The following DHRSX variants were observed in gnomAD, a reference collection of about 807,000 sequenced individuals.
DHRSX encodes polyprenol dehydrogenase.
A neutral mutation model predicts 34.0 loss-of-function variants in DHRSX; 31 were observed. The ratio of observed to expected loss-of-function variants is 0.91; its 90% confidence interval spans 0.69 to 1.23. The LOEUF is 1.23. DHRSX is among the 50% of genes most tolerant of loss of function. The pLI, the probability that DHRSX is intolerant of heterozygous loss-of-function variation, is 0.00. For synonymous variants in DHRSX, 201 were observed against 183.8 expected (o/e 1.09, Z -0.76); for missense variants, 414 against 428.1 (o/e 0.97, Z 0.29).
intron 3 of DHRSX, among the ~76,000 whole-genome samples, chrX:2,371,643 G>A (rs945105662): frequency 6.8e-6 from 1 of 146,256 alleles, no homozygotes; most frequent in African/African-American, 2.6e-5. Context: ...CGTTACCATA[G>A]TCCACACTCC....
chrX:2,349,635 T>C (rs1332766751), intron 3 of DHRSX, among the ~76,000 whole-genome samples: 3 of 151,280 alleles, frequency 2.0e-5, no homozygotes, highest in Admixed American at 1.3e-4. Context: ...TGCAGTGAGC[T>C]GAGATCACGC....
intron 4 of DHRSX, among the ~76,000 whole-genome samples, chrX:2,276,741 G>C (rs745361149): frequency 6.7e-6 from 1 of 150,076 alleles, no homozygotes; most frequent in Non-Finnish European, 1.5e-5. Context: ...ATCAGAGAGA[G>C]AGAGAGGAGA....
intron 4 of DHRSX, among the ~76,000 whole-genome samples, chrX:2,276,784 G>GA (rs2041663085): frequency 6.6e-6 from 1 of 150,384 alleles, no homozygotes; most frequent in Non-Finnish European, 1.5e-5. Flanking sequence ...AAGAGAGAAG[G>GA]AGAGGGAGGA....
At chrX:2,484,836 C>A (rs1168773465) in intron 1 of DHRSX, among the ~76,000 whole-genome samples, 1 of 152,104 alleles carries the variant, frequency 6.6e-6, no homozygotes, top group Non-Finnish European at 1.5e-5. Context: ...GCTGGCTGCG[C>A]CAGGAACCCG....
At chrX:2,490,429 C>T in intron 1 of DHRSX, 1 of 1,613,968 alleles carries the variant, frequency 6.2e-7, no homozygotes. Context: ...ACTCGGGCTT[C>T]AGCTTGGAGA....
intron 5 of DHRSX, among the ~76,000 whole-genome samples, chrX:2,248,628 A>AAAG (rs1556433592): frequency 0.15 from 15,846 of 103,272 alleles, 1,980 homozygotes; most frequent in Admixed American, 0.2. Context: ...AAAAAAAAAG[A>AAAG]AAAAGAAAAG....
At chrX:2,273,115 C>T (rs2041579390) in intron 4 of DHRSX, among the ~76,000 whole-genome samples, 1 of 152,136 alleles carries the variant, frequency 6.6e-6, no homozygotes, top group African/African-American at 2.4e-5. Flanking sequence ...ATTGCTTGAA[C>T]CCAGGAGGTG....
At chrX:2,305,102 G>C (rs1444333691) in intron 3 of DHRSX, among the ~76,000 whole-genome samples, 5 of 151,606 alleles carry the variant, frequency 3.3e-5, no homozygotes, top group African/African-American at 1.2e-4. Context: ...ACTAATGCAG[G>C]AACAGAAAAC....
At chrX:2,348,692 ATTT>A (rs71309486) in intron 3 of DHRSX, among the ~76,000 whole-genome samples, 2 of 146,312 alleles carry the variant, frequency 1.4e-5, no homozygotes, top group African/African-American at 5.0e-5. Flanking sequence ...TCTTATTTTT[ATTT>A]TTTTTTTTTT....
intron 6 of DHRSX, among the ~76,000 whole-genome samples, chrX:2,227,381 A>C (rs1246138602): frequency 2.0e-5 from 3 of 151,286 alleles, no homozygotes; most frequent in Non-Finnish European, 4.4e-5. Context: ...GGAAATAGAG[A>C]AAGGAATTAA....
At chrX:2,345,111 C>T (rs1436356667) in intron 3 of DHRSX, among the ~76,000 whole-genome samples, 1 of 151,772 alleles carries the variant, frequency 6.6e-6, no homozygotes, top group Non-Finnish European at 1.5e-5. Context: ...ATGGCTTCCC[C>T]TGCCTCTTGA....
intron 3 of DHRSX, among the ~76,000 whole-genome samples, chrX:2,361,653 T>C (rs963174642): frequency 2.6e-5 from 4 of 152,188 alleles, no homozygotes; most frequent in Non-Finnish European, 5.9e-5. Flanking sequence ...GTTCCATCAG[T>C]TCAGCCTGGT....
At position 2,330,051 on chromosome X, in the gene DHRSX, T is replaced by TGAGA. The variant is rs1417813455; in HGVS notation, c.287-38452_287-38449dup. On this transcript the variant is annotated intron_variant, in intron 3 of 6. Transcript: ENST00000334651. ...GGATATGGACGTCAATGAGAGTGAATGAGAGAGAAGCAGAGAGACGGCGGG... is the reference window on the plus strand; with the variant it reads ...GGATATGGACGTCAATGAGAGTGAATGAGAGAGAGAGAAGCAGAGAGACGGCGGG... Among the ~76,000 whole-genome samples, 14 of 92,628 alleles carry TGAGA rather than the reference T, an allele frequency of 1.5e-4. No individual in the cohort carries two copies. In the East Asian group the frequency reaches 5.0e-3, roughly 33 times the overall value. The allele number at this position is 92,628 out of a possible 152,430, so 60.8% of individuals were successfully genotyped here.
Position 2,487,189 on chromosome X carries a change from G to A in DHRSX, c.109+13628C>T, listed in dbSNP as rs185336084. The A allele has an allele frequency of 1.2e-3, 189 of 152,300 alleles. 1 individual carries two copies. Among genetic ancestry groups the A allele is most frequent in the African/African-American group, 4.1e-3 (171 of 41,552 alleles). 9.4% of individuals were successfully genotyped at this position (152,300 alleles called of 1,614,324 possible). On this transcript the variant is annotated intron_variant, in intron 1 of 6. Coordinates refer to ENST00000334651, the MANE Select transcript of DHRSX (RefSeq NM_145177.3). ...GAATCCAGCCACGGAAAACCCCTCC[G>A]GGGGCAATATTTTAAAATTCATTTC...
At chrX:2,452,208 T>G (rs1204968281) in intron 1 of DHRSX, among the ~76,000 whole-genome samples, 1 of 151,438 alleles carries the variant, frequency 6.6e-6, no homozygotes, top group Non-Finnish European at 1.5e-5. Context: ...CTGAAGATGT[T>G]CCCAAAAAAT....
intron 1 of DHRSX, among the ~76,000 whole-genome samples, chrX:2,458,890 A>G (rs1306517165): frequency 6.6e-6 from 1 of 152,022 alleles, no homozygotes; most frequent in Non-Finnish European, 1.5e-5. Flanking sequence ...CTGCAGTCCC[A>G]GCTACTTGGG....
chrX:2,231,409 C>T (rs964932618), intron 6 of DHRSX, among the ~76,000 whole-genome samples: 6 of 152,002 alleles, frequency 3.9e-5, no homozygotes, highest in South Asian at 2.1e-4. Context: ...CTTCTCCTTC[C>T]TCCTTTGCTT....
At chrX:2,394,795 G>C (rs1169887409) in intron 3 of DHRSX, among the ~76,000 whole-genome samples, 1 of 152,082 alleles carries the variant, frequency 6.6e-6, no homozygotes, top group Non-Finnish European at 1.5e-5. Flanking sequence ...GAACCTGGGA[G>C]GCGGAAGTTG....
chrX:2,267,658 T>C (rs2041493168), intron 4 of DHRSX, among the ~76,000 whole-genome samples: 1 of 152,006 alleles, frequency 6.6e-6, no homozygotes, highest in African/African-American at 2.4e-5. Flanking sequence ...AATTAATTAT[T>C]CTGGGCGGCT....
Sources: allele counts gnomAD v4.1 joint callset (sites outside exome capture counted in the v4.1 genomes callset), GRCh38; gene constraint gnomAD v4.1.1; transcripts MANE v1.5; gene names NCBI Gene and HGNC (gene_info 2026-07-23, HGNC 2026-07-21).